The following SLX4 variants were observed in gnomAD, a reference collection of about 807,000 sequenced individuals.
The protein encoded by SLX4 is structure-specific endonuclease subunit SLX4.
Under a neutral mutation model 146.2 loss-of-function variants are expected in SLX4, and 112 were observed. The observed-to-expected ratio is 0.77, with a 90% CI of 0.66 to 0.90. SLX4 has a LOEUF of 0.90. Among genes scored for constraint, SLX4 ranks in the 40% least tolerant of loss-of-function variants. The pLI is 0.00. For synonymous variants in SLX4, 1,061 were observed against 997.7 expected (o/e 1.06, Z -1.20); for missense variants, 2,563 against 2,392.7 (o/e 1.07, Z -1.49).
intron 3 of SLX4, among the ~76,000 whole-genome samples, chr16:3,602,963 T>C (rs2040743974): frequency 6.6e-6 from 1 of 152,154 alleles, no homozygotes; most frequent in Non-Finnish European, 1.5e-5. Flanking sequence ...GAACGCCTCA[T>C]AAATCCCCAA....
At chr16:3,600,953 G>T in intron 5 of SLX4, 26 bp downstream of exon 5, 1 of 1,611,104 alleles carries the variant, frequency 6.2e-7, no homozygotes, top group South Asian at 1.1e-5. Flanking sequence ...TATTTGGCTT[G>T]GTTTTCTTCC....
At position 3,582,659 on chromosome 16, in the gene SLX4, A is replaced by T. The variant is rs199838670; in HGVS notation, c.5188T>A (p.Ser1730Thr). ...SSCEFGAAFE[S>T]AGEEEGEGEV... is the part of the protein sequence containing the mutation. ...CCCTCGCCCTCCTCTTCACCTGCAG[A>T]CTCAAATGCCGCTCCAAACTCACAG... The change falls in exon 15 of 15, where the codon TCT becomes ACT. Residue 1730 changes from serine (S) to threonine (T), a missense_variant. Physicochemically the swap from Ser to Thr is moderately conservative, Grantham distance 58. Coordinates refer to ENST00000294008, the MANE Select transcript of SLX4 (RefSeq NM_032444.4). 6 of 1,613,044 alleles carry T rather than the reference A, an allele frequency of 3.7e-6. No homozygotes were observed. In the South Asian group the frequency reaches 6.6e-5, roughly 18 times the overall value.
rs2151115980 is a variant in SLX4 at position 3,582,654 on chromosome 16, T to C, written c.5193A>G (p.Ala1731=). 1 of 1,613,230 alleles carries C rather than the reference T, an allele frequency of 6.2e-7. No individual in the cohort carries two copies. Among genetic ancestry groups the C allele is most frequent in the South Asian group, 1.1e-5 (1 of 91,080 alleles). Residue 1731 remains alanine (A), a synonymous_variant, in exon 15 of 15, where the codon GCA becomes GCG. Transcript: ENST00000294008. The part of the protein sequence containing the change: ...SCEFGAAFES[A]GEEEGEGEVS... ...CCTCCCCCTCGCCCTCCTCTTCACCTGCAGACTCAAATGCCGCTCCAAACT... is the reference window on the plus strand; with the variant it reads ...CCTCCCCCTCGCCCTCCTCTTCACCCGCAGACTCAAATGCCGCTCCAAACT...
chr16:3,600,839 GC>G, intron 5 of SLX4, 139 bp downstream of exon 5: 1 of 824,798 alleles, frequency 1.2e-6, no homozygotes, highest in Non-Finnish European at 2.0e-6. Flanking sequence ...AAGGTGATCT[GC>G]CCACCTTGGC....
rs754174011 is a variant in SLX4, at chr16:3,590,241, G to C, written c.3397C>G (p.His1133Asp). The C allele has an allele frequency of 6.2e-7, 1 of 1,614,188 alleles. No individual in the cohort carries two copies. Among genetic ancestry groups the C allele is most frequent in the South Asian group, 1.1e-5 (1 of 91,076 alleles). The part of the protein sequence containing the change: ...SIDLTQSNPD[H>D]SSSRSQKSSS... ...GATTTCTGAGATCTGGAGCTCGAAT[G>C]GTCAGGATTTGACTGGGTTAGGTCA... Residue 1133 changes from histidine to aspartate, a missense_variant, in exon 12 of 15, where the codon CAT becomes GAT. His to Asp is a moderately conservative substitution (Grantham distance 81). Transcript: ENST00000294008. This position sits in a 1 kb window ranked among gnomAD's most constrained non-coding sequence, Gnocchi z 4.8.
rs2040441140 is a variant in SLX4 at position 3,582,005 on chromosome 16, T to C, written c.*337A>G. 1 of 352,798 alleles carries C rather than the reference T, an allele frequency of 2.8e-6. No homozygotes were observed. Among genetic ancestry groups the C allele is most frequent in the Admixed American group, 4.4e-5 (1 of 22,976 alleles). The allele number at this position is 352,798 out of a possible 1,614,324, so 21.9% of individuals were successfully genotyped here. A position where few individuals can be genotyped will look rare whatever the true frequency, so the allele number is the denominator to read the frequency against. On this transcript the variant is annotated 3_prime_UTR_variant, in exon 15 of 15. Coordinates refer to ENST00000294008, the MANE Select transcript of SLX4 (RefSeq NM_032444.4). ...TTGCAGTGAGCCGAGATTGTGCCAC[T>C]GCACTCCAGCCTAGGTGACACAGCA... is the stretch of plus-strand genomic sequence containing the variant.
At position 3,590,788 on chromosome 16, in the gene SLX4, C is replaced by T. The variant is rs751882942; in HGVS notation, c.2850G>A (p.Glu950=). The T allele has an allele frequency of 5.0e-6, 8 of 1,613,938 alleles. No individual in the cohort carries two copies. The Admixed American group carries it at 1.3e-4, about 27-fold the overall frequency. ...AGCAGCTGGAATGGCCAAGCGCCTC[C>T]TCTGGCGCCTCCTGCTCAGGGGCCT... The part of the protein sequence containing the change: ...GAEAPEQEAP[E]EALGHSSCSS... Residue 950 remains glutamate, a synonymous_variant, in exon 12 of 15, where the codon GAG becomes GAA. Coordinates refer to ENST00000294008, the MANE Select transcript of SLX4 (RefSeq NM_032444.4). This position sits in a 1 kb window ranked among gnomAD's most constrained non-coding sequence, Gnocchi z 4.8.
chr16:3,597,814 C>T lies in SLX4; in HGVS notation c.1349G>A (p.Arg450Lys). ...ACACAAACCTGCTTCTGGTCTTATC[C>T]TCTCAGAAAAGGCACTTTCCAGCCT... Reference protein sequence around the residue: ...ALRLESAFSERIRPEAENKSR... With the variant: ...ALRLESAFSEKIRPEAENKSR... The change falls in exon 6 of 15, where the codon AGG (arginine) becomes AAG (lysine). Residue 450 changes from arginine (R) to lysine (K), a missense_variant. Transcript: ENST00000294008. This position sits in a 1 kb window ranked among gnomAD's most constrained non-coding sequence, Gnocchi z 4.4. The T allele has an allele frequency of 6.2e-7, 1 of 1,614,168 alleles. No homozygotes were observed.
chr16:3,601,416 G>C, intron 4 of SLX4: 2 of 576,610 alleles, frequency 3.5e-6, no homozygotes, highest in Non-Finnish European at 6.2e-6. Flanking sequence ...ATTAAATGCA[G>C]TTACATGATG....
intron 5 of SLX4, 163 bp downstream of exon 5, chr16:3,600,816 G>A (rs757985667): frequency 1.2e-5 from 8 of 688,290 alleles, no homozygotes; most frequent in East Asian, 5.5e-5. Flanking sequence ...GGCTGGTATC[G>A]AACTCCTGAT....
chr16:3,596,226 G>A lies in SLX4; in HGVS notation c.1851C>T (p.Asp617=), dbSNP rs754155444. ...REHQALQDLV[D]LAREGLSASP... is the part of the protein sequence containing the mutation. ...TGGCGCTCAGTCCCTCCCTCGCCAG[G>A]TCCACGAGGTCCTGCAGGGCCTGGT... Residue 617 remains aspartate, a synonymous_variant, in exon 8 of 15, where the codon GAC becomes GAT. Coordinates refer to ENST00000294008, the MANE Select transcript of SLX4 (RefSeq NM_032444.4). 2 of 1,551,376 alleles carry A rather than the reference G, an allele frequency of 1.3e-6. No homozygotes were observed. Among genetic ancestry groups the A allele is most frequent in the Non-Finnish European group, 1.7e-6 (2 of 1,149,604 alleles).
At chr16:3,587,962 T>C (rs961295903) in intron 12 of SLX4, among the ~76,000 whole-genome samples, 1 of 152,130 alleles carries the variant, frequency 6.6e-6, no homozygotes, top group Non-Finnish European at 1.5e-5. Flanking sequence ...GGCCGACACC[T>C]GGGGCTCTGA....
In SLX4 at chr16:3,589,254, C is replaced by A. The variant is rs138484365; in HGVS notation, c.4384G>T (p.Ala1462Ser). The A allele has an allele frequency of 6.6e-5, 106 of 1,604,038 alleles. No individual in the cohort carries two copies. In the African/African-American group the frequency reaches 8.7e-4, roughly 13 times the overall value. Residue 1462 changes from alanine to serine, a missense_variant, in exon 12 of 15, where the codon GCC becomes TCC. Ala to Ser is a moderately conservative substitution (Grantham distance 99). Transcript: ENST00000294008. This position sits in a 1 kb window ranked among gnomAD's most constrained non-coding sequence, Gnocchi z 6.2. Reference sequence around the variant, plus strand: ...GGGGAGCGACAGTCACGGCTGTCGGCGGCCTCGTTCATCCTGCGGCTGGGG... The same window carrying A: ...GGGGAGCGACAGTCACGGCTGTCGGAGGCCTCGTTCATCCTGCGGCTGGGG... ...SSPSRRMNEA[A>S]DSRDCRSPGL...
chr16:3,597,432 C>G lies in SLX4; in HGVS notation c.1630G>C (p.Asp544His), dbSNP rs773395054. ...SALTGAWAME[D>H]FYTARLVPPL... ...GGGACCAGCCTGGCCGTGTAGAAGT[C>G]CTCCATGGCCCAGGCCCCAGTCAGT... The change falls in exon 7 of 15, where the codon GAC (aspartate) becomes CAC (histidine). Residue 544 changes from aspartate to histidine, a missense_variant. Coordinates refer to ENST00000294008, the MANE Select transcript of SLX4 (RefSeq NM_032444.4). This position sits in a 1 kb window ranked among gnomAD's most constrained non-coding sequence, Gnocchi z 4.4. 2 of 1,608,388 alleles carry G rather than the reference C, an allele frequency of 1.2e-6. No individual in the cohort carries two copies. The highest frequency in any genetic ancestry group is 8.5e-7 in the Non-Finnish European group (1 of 1,177,640).
At chr16:3,610,828 T>C (rs1197236886) in intron 1 of SLX4, among the ~76,000 whole-genome samples, 1 of 152,080 alleles carries the variant, frequency 6.6e-6, no homozygotes, top group Non-Finnish European at 1.5e-5. Flanking sequence ...TTCGGTATAA[T>C]GGGAGTAGAG....
Position 3,608,792 on chromosome 16 carries a change from A to G in SLX4, c.173T>C (p.Phe58Ser). ...DEDFKELCAS[F>S]FQRVKKHGIK... ...TCCATGTTTTTTCACCCTTTGGAAA[A>G]AGCTAGCGCAGAGTTCTTTAAAGTC... Residue 58 changes from phenylalanine (F) to serine (S), a missense_variant, in exon 2 of 15, where the codon TTT becomes TCT. Transcript: ENST00000294008. 1 of 1,614,074 alleles carries G rather than the reference A, an allele frequency of 6.2e-7. No individual in the cohort carries two copies. Among genetic ancestry groups the G allele is most frequent in the Non-Finnish European group, 8.5e-7 (1 of 1,180,018 alleles).
rs371122297 is a variant in SLX4 at position 3,590,157 on chromosome 16, G to C, written c.3481C>G (p.Leu1161Val). 1.9e-6 allele frequency: 3 copies of C among 1,614,176 alleles called. No individual in the cohort carries two copies. Among genetic ancestry groups the C allele is most frequent in the Non-Finnish European group, 1.7e-6 (2 of 1,180,042 alleles). Residue 1161 changes from leucine to valine, a missense_variant, in exon 12 of 15, where the codon CTG (leucine) becomes GTG (valine). Physicochemically the swap from Leu to Val is conservative, Grantham distance 32. Coordinates refer to ENST00000294008, the MANE Select transcript of SLX4 (RefSeq NM_032444.4). This position sits in a 1 kb window ranked among gnomAD's most constrained non-coding sequence, Gnocchi z 4.8. The part of the protein sequence containing the change: ...VILLLDSDEE[L>V]ELEQTKMKSI... ...TTCATTTTGGTTTGTTCTAGCTCCA[G>C]CTCCTCATCCGAGTCCAGTAAGAGG...
In SLX4 at chr16:3,589,592, C is replaced by G. The variant is rs151144102; in HGVS notation, c.4046G>C (p.Gly1349Ala). ...GHRSPSRPHP[G>A]GHPHSSPLAP... ...CAGCGGAGAGGAGTGCGGGTGGCCC[C>G]CGGGGTGGGGACGGGAAGGGCTTCT... The change falls in exon 12 of 15, where the codon GGG (glycine) becomes GCG (alanine). Residue 1349 changes from glycine to alanine, a missense_variant. Transcript: ENST00000294008. The surrounding 1 kb of genome is among the most constrained non-coding windows in gnomAD (Gnocchi z 6.2). The G allele has an allele frequency of 1.7e-4, 282 of 1,613,458 alleles. 1 individual carries two copies. The highest frequency in any genetic ancestry group is 1.5e-3 in the Middle Eastern group (9 of 6,082).
In SLX4 at chr16:3,595,796, C is replaced by T. The variant is rs75710089; in HGVS notation, c.1925-103G>A. 1,264 of 1,341,222 alleles carry T rather than the reference C, an allele frequency of 9.4e-4. 11 individuals carry two copies. The African/African-American group carries it at 0.015, about 16-fold the overall frequency. 83.1% of individuals were successfully genotyped at this position (1,341,222 alleles called of 1,614,324 possible). ...GGCTGAGCCAGCCCCTGCGGTGCCT[C>T]GGAAGGTGCTTGCTATCCGAGGACA... is the stretch of plus-strand genomic sequence containing the variant. On this transcript the variant is annotated intron_variant, in intron 8 of 14. Transcript: ENST00000294008.
Sources: gnomAD v4.1 joint callset for allele counts (sites outside exome capture counted in the v4.1 genomes callset) on GRCh38, gnomAD v4.1.1 for gene constraint, Gnocchi (gnomAD v3.1) non-coding constraint, MANE v1.5 for transcripts, NCBI Gene and HGNC (gene_info 2026-07-23, HGNC 2026-07-21) for gene names.